Variants in LMOD3 observed in about 807,000 individuals in gnomAD.
LMOD3 encodes leiomodin 3.
In LMOD3, 31 loss-of-function variants were observed where a neutral mutation model predicts 41.8. That is an observed-to-expected ratio of 0.74 (90% CI 0.56 to 1.00). The LOEUF is 1.00. Ranked by LOEUF, LMOD3 falls within the 50% of genes least tolerant of loss-of-function variation. The pLI, the probability that LMOD3 is intolerant of heterozygous loss-of-function variation, is 0.00. For synonymous variants in LMOD3, 292 were observed against 241.9 expected, an observed-to-expected ratio of 1.21 and a Z score of -1.92; for missense variants, 755 against 679.5, an observed-to-expected ratio of 1.11 and a Z score of -1.23.
chr3:69,119,280 C>G lies in LMOD3; in HGVS notation c.1075G>C (p.Glu359Gln), dbSNP rs762744392. Residue 359 changes from glutamate (E) to glutamine (Q), a missense_variant, in exon 2 of 3, where the codon GAA (glutamate) becomes CAA (glutamine). Physicochemically the swap from Glu to Gln is conservative, Grantham distance 29 (BLOSUM62 2). Transcript: ENST00000420581. ...TTTGCCTTCAAAAGCCTGGCTATTTCCATTTCAGCATGGTGACCCAACATG... is the reference window on the plus strand; with the variant it reads ...TTTGCCTTCAAAAGCCTGGCTATTTGCATTTCAGCATGGTGACCCAACATG... ...RHMLGHHAEM[E>Q]IARLLKANNT... 13 of 1,613,828 alleles carry G rather than the reference C, an allele frequency of 8.1e-6. No individual in the cohort carries two copies. The highest frequency in any genetic ancestry group is 2.2e-5 in the South Asian group (2 of 91,082).
Position 69,119,655 on chromosome 3 carries a change from G to T in LMOD3, c.700C>A (p.Pro234Thr), listed in dbSNP as rs372507208. ...DTSFLKVSTR[P>T]SGNQTDLDGS... ...TCCAGGTCTGTCTGGTTTCCTGAAG[G>T]CCTTGTACTTACCTTCAAAAAGCTG... is the stretch of plus-strand genomic sequence containing the variant. Residue 234 changes from proline (P) to threonine (T), a missense_variant, in exon 2 of 3, where the codon CCT becomes ACT. By Grantham distance (38) the Pro-to-Thr change is conservative. Transcript: ENST00000420581. The T allele has an allele frequency of 4.3e-6, 7 of 1,613,838 alleles. No homozygotes were observed. Among genetic ancestry groups the T allele is most frequent in the East Asian group, 2.2e-5 (1 of 44,876 alleles).
rs59333259 is a variant in LMOD3 at position 69,115,656 on chromosome 3, T to C, written c.1656+3043A>G. Among the ~76,000 whole-genome samples, 1,296 of 152,268 alleles carry C rather than the reference T, an allele frequency of 8.5e-3. 19 individuals carry two copies. Among genetic ancestry groups the C allele is most frequent in the African/African-American group, 0.029 (1,222 of 41,554 alleles). On this transcript the variant is annotated intron_variant, in intron 2 of 2. Transcript: ENST00000420581. ...CTTGAAAATCCAGGGATTTGGAGGG[T>C]ATCTGTCCCAAATCCCCAAAACCCT...
At chr3:69,111,843 G>A (rs945206091) in intron 2 of LMOD3, among the ~76,000 whole-genome samples, 7 of 152,186 alleles carry the variant, frequency 4.6e-5, no homozygotes, top group African/African-American at 1.7e-4. Context: ...CAGATCACTG[G>A]GGAAAAGAGG....
chr3:69,120,179 A>G, intron 1 of LMOD3, 119 bp from the exon 2 acceptor site: 2 of 1,151,824 alleles, frequency 1.7e-6, no homozygotes, highest in Non-Finnish European at 2.3e-6. Context: ...ATTTTAAATA[A>G]TCCTTATTTA....
chr3:69,120,041 T>C lies in LMOD3; in HGVS notation c.314A>G (p.His105Arg). The change falls in exon 2 of 3, where the codon CAT becomes CGT. Residue 105 changes from histidine (H) to arginine (R), a missense_variant. By Grantham distance (29) the His-to-Arg change is conservative (BLOSUM62 0). Coordinates refer to ENST00000420581, the MANE Select transcript of LMOD3 (RefSeq NM_198271.5). Reference protein sequence around the residue: ...VKSEEKTQEEHEEIEKRNKNM... With the variant: ...VKSEEKTQEEREEIEKRNKNM... Reference sequence around the variant, plus strand: ...TTTATTACGTTTTTCTATTTCTTCATGCTCTTCTTGAGTCTTTTCCTACAA... The same window carrying C: ...TTTATTACGTTTTTCTATTTCTTCACGCTCTTCTTGAGTCTTTTCCTACAA... 1 of 1,601,330 alleles carries C rather than the reference T, an allele frequency of 6.2e-7. No individual in the cohort carries two copies. Among genetic ancestry groups the C allele is most frequent in the Non-Finnish European group, 8.5e-7 (1 of 1,176,276 alleles).
At chr3:69,109,145 A>T in intron 2 of LMOD3, 24 bp from the exon 3 acceptor site, 2 of 1,596,282 alleles carry the variant, frequency 1.3e-6, no homozygotes, top group Non-Finnish European at 1.7e-6. Context: ...ATTTGAGGAA[A>T]CGGGGGAAAT....
intron 1 of LMOD3, among the ~76,000 whole-genome samples, chr3:69,120,947 C>G (rs1575882361): frequency 6.6e-6 from 1 of 152,090 alleles, no homozygotes; most frequent in South Asian, 2.1e-4. Flanking sequence ...GCCAGTATAG[C>G]AAGTTGAGAC....
At chr3:69,110,006 A>G (rs548858960) in intron 2 of LMOD3, among the ~76,000 whole-genome samples, 34 of 152,270 alleles carry the variant, frequency 2.2e-4, no homozygotes, top group Middle Eastern at 3.4e-3. Context: ...AAATATCACT[A>G]TAAGAATATA....
intron 2 of LMOD3, among the ~76,000 whole-genome samples, chr3:69,110,853 A>AAAAAAAAAAAAAAAATATATATATATAT (rs1458630453): frequency 3.8e-5 from 4 of 104,124 alleles, no homozygotes; most frequent in African/African-American, 9.6e-5. Context: ...AAAAAAAAAA[A>AAAAAAAAAAAAAAAATATATATATATAT]ATATATATAT....
At chr3:69,113,583 T>A (rs2107522725) in intron 2 of LMOD3, among the ~76,000 whole-genome samples, 2 of 152,360 alleles carry the variant, frequency 1.3e-5, no homozygotes, top group Admixed American at 1.3e-4. Flanking sequence ...ATTATTATAC[T>A]GAAGTCTTTC....
intron 2 of LMOD3, among the ~76,000 whole-genome samples, chr3:69,110,971 C>T (rs779617740): frequency 6.7e-6 from 1 of 150,262 alleles, no homozygotes; most frequent in Non-Finnish European, 1.5e-5. Context: ...ATAGGAAAAC[C>T]TTAAGGACAA....
In LMOD3 at chr3:69,107,058, T is replaced by C. The variant is rs192492011; in HGVS notation, c.*2037A>G. ...AAGCTTTTAATTATGTTTAAAGTGC[T>C]TTTCCTATCAGAGTTTAGCCTCTTA... is the stretch of plus-strand genomic sequence containing the variant. On this transcript the variant is annotated 3_prime_UTR_variant, in exon 3 of 3. Coordinates refer to ENST00000420581, the MANE Select transcript of LMOD3 (RefSeq NM_198271.5). 8 of 152,066 alleles carry C rather than the reference T, an allele frequency of 5.3e-5. No homozygotes were observed. Among genetic ancestry groups the C allele is most frequent in the Admixed American group, 3.9e-4 (6 of 15,268 alleles). The allele number at this position is 152,066 out of a possible 1,614,324, so 9.4% of individuals were successfully genotyped here.
At position 69,107,832 on chromosome 3, in the gene LMOD3, C is replaced by A. The variant is rs758380543; in HGVS notation, c.*1263G>T. 1 of 152,016 alleles carries A rather than the reference C, an allele frequency of 6.6e-6. No individual in the cohort carries two copies. The highest frequency in any genetic ancestry group is 6.6e-5 in the Admixed American group (1 of 15,246). The allele number at this position is 152,016 out of a possible 1,614,324, so 9.4% of individuals were successfully genotyped here. ...ACACTACTTCTATTATTACAAAAAT[C>A]TCAAATTCTATGCACCTAGTGGCTA... On this transcript the variant is annotated 3_prime_UTR_variant, in exon 3 of 3. Transcript: ENST00000420581.
chr3:69,114,626 G>A (rs1364491080), intron 2 of LMOD3, among the ~76,000 whole-genome samples: 2 of 151,864 alleles, frequency 1.3e-5, no homozygotes, highest in African/African-American at 2.4e-5. Context: ...TCATACCTCA[G>A]CCTCCCAAGT....
At position 69,107,494 on chromosome 3, in the gene LMOD3, T is replaced by TTTTTTTG. The variant is rs1252768762; in HGVS notation, c.*1600_*1601insCAAAAAA. On this transcript the variant is annotated 3_prime_UTR_variant, in exon 3 of 3. Transcript: ENST00000420581. Reference sequence around the variant, plus strand: ...TTTTTTTTTTTTTTTTTTTTTTTTTTGAGATGGAGTATCACTCTGTCACCC... The same window carrying TTTTTTTG: ...TTTTTTTTTTTTTTTTTTTTTTTTTTTTTTTTGGAGATGGAGTATCACTCTGTCACCC... 2 of 125,180 alleles carry TTTTTTTG rather than the reference T, an allele frequency of 1.6e-5. No homozygotes were observed. The highest frequency in any genetic ancestry group is 1.6e-5 in the Non-Finnish European group (1 of 62,696). 7.8% of individuals were successfully genotyped at this position (125,180 alleles called of 1,614,324 possible). A position where few individuals can be genotyped will look rare whatever the true frequency, so the allele number is the denominator to read the frequency against.
At chr3:69,109,147 G>A (rs72924866) in intron 2 of LMOD3, 26 bp from the exon 3 acceptor site, 72 of 1,593,612 alleles carry the variant, frequency 4.5e-5, no homozygotes, top group South Asian at 5.7e-5. Context: ...TTGAGGAAAC[G>A]GGGGAAATTA....
At position 69,109,031 on chromosome 3, in the gene LMOD3, T is replaced by G. The variant is rs1412696059; in HGVS notation, c.*64A>C. On this transcript the variant is annotated 3_prime_UTR_variant, in exon 3 of 3. Coordinates refer to ENST00000420581, the MANE Select transcript of LMOD3 (RefSeq NM_198271.5). ...CTAAAGTATTGCTGCTGACATAGTCTCCATGCTGTAATCCAAGAGTCACTA... is the reference window on the plus strand; with the variant it reads ...CTAAAGTATTGCTGCTGACATAGTCGCCATGCTGTAATCCAAGAGTCACTA... 1 of 1,375,082 alleles carries G rather than the reference T, an allele frequency of 7.3e-7. No homozygotes were observed. The highest frequency in any genetic ancestry group is 1.0e-6 in the Non-Finnish European group (1 of 985,054). The allele number at this position is 1,375,082 out of a possible 1,614,324, so 85.2% of individuals were successfully genotyped here.
At position 69,122,111 on chromosome 3, in the gene LMOD3, G is replaced by T; in HGVS notation, c.276C>A (p.Val92=). 6.2e-7 allele frequency: 1 copy of T among 1,611,800 alleles called. No homozygotes were observed. Among genetic ancestry groups the T allele is most frequent in the South Asian group, 1.1e-5 (1 of 90,566 alleles). ...RRMLEEERVP[V]TFVKSEEKTQ... Reference sequence around the variant, plus strand: ...TGGTTACCTCGGATTTCACAAAGGTGACAGGAACTCGTTCCTCTTCCAGCA... The same window carrying T: ...TGGTTACCTCGGATTTCACAAAGGTTACAGGAACTCGTTCCTCTTCCAGCA... The change falls in exon 1 of 3, where the codon GTC becomes GTA. Residue 92 remains valine (V), a synonymous_variant. Transcript: ENST00000420581.
rs1575884297 is a variant in LMOD3 at position 69,122,563 on chromosome 3, T to G, written c.-177A>C. On this transcript the variant is annotated 5_prime_UTR_variant, in exon 1 of 3. Transcript: ENST00000420581. ...CAGTGGTTTGCTGAGCAGCTAGGAGTGATCACAGCTAAGCTCTTGCCGGAT... is the reference window on the plus strand; with the variant it reads ...CAGTGGTTTGCTGAGCAGCTAGGAGGGATCACAGCTAAGCTCTTGCCGGAT... The G allele has an allele frequency of 1.7e-6, 1 of 574,456 alleles. No individual in the cohort carries two copies. The highest frequency in any genetic ancestry group is 3.1e-5 in the Admixed American group (1 of 32,332). 35.6% of individuals were successfully genotyped at this position (574,456 alleles called of 1,614,324 possible).
Sources: allele counts gnomAD v4.1 joint callset (sites outside exome capture counted in the v4.1 genomes callset), GRCh38; gene constraint gnomAD v4.1.1; transcripts MANE v1.5; gene names NCBI Gene and HGNC (gene_info 2026-07-23, HGNC 2026-07-21).